TRERF1: variants seen among roughly 807,000 people sequenced by gnomAD.
TRERF1 encodes the protein transcriptional-regulating factor 1.
TRERF1 carries 27 observed loss-of-function variants against 122.9 expected under a neutral mutation model. The observed-to-expected ratio is 0.22, with a 90% CI of 0.16 to 0.30. The LOEUF (loss-of-function observed/expected upper bound fraction) is 0.30, where lower values mean the gene tolerates loss of function less well. Among genes scored for constraint, TRERF1 ranks in the 10% least tolerant of loss-of-function variants. TRERF1 has a pLI of 1.00. For missense variants in TRERF1, 1,248 were observed against 1,560.3 expected (o/e 0.80, Z 3.37); for synonymous variants, 636 against 641.7 (o/e 0.99, Z 0.13).
At chr6:42,330,485 T>C (rs953346463) in intron 3 of TRERF1, among the ~76,000 whole-genome samples, 6 of 152,190 alleles carry the variant, frequency 3.9e-5, no homozygotes, top group Non-Finnish European at 8.8e-5. Context: ...TGTAAAGAAG[T>C]GGACACATTT....
chr6:42,450,277 A>C (rs1167459848), intron 2 of TRERF1, among the ~76,000 whole-genome samples: 1 of 152,212 alleles, frequency 6.6e-6, no homozygotes, highest in Non-Finnish European at 1.5e-5. Context: ...TCCCCTTCTT[A>C]AAACTCTCCT....
intron 2 of TRERF1, among the ~76,000 whole-genome samples, chr6:42,369,148 G>A (rs911356897): frequency 6.6e-6 from 1 of 152,042 alleles, no homozygotes; most frequent in Non-Finnish European, 1.5e-5. Flanking sequence ...AGAAGGCTGG[G>A]ATCTAAAAAA....
chr6:42,304,896 A>C (rs1353347249), intron 3 of TRERF1, among the ~76,000 whole-genome samples: 1 of 152,260 alleles, frequency 6.6e-6, no homozygotes, highest in African/African-American at 2.4e-5. Flanking sequence ...TGAAGCCAGT[A>C]GACCTGGATT....
intron 15 of TRERF1, among the ~76,000 whole-genome samples, chr6:42,236,643 G>A (rs1772294302): frequency 6.6e-6 from 1 of 152,154 alleles, no homozygotes; most frequent in Non-Finnish European, 1.5e-5. Flanking sequence ...CCCACTTCGG[G>A]ACCCCTCATC....
intron 3 of TRERF1, among the ~76,000 whole-genome samples, chr6:42,349,029 G>A (rs424047): frequency 0.041 from 6,260 of 152,236 alleles, 288 homozygotes; most frequent in African/African-American, 0.12. Context: ...TTGAAATGAG[G>A]TAGTGTAAGC....
chr6:42,272,059 A>C (rs1400189328), intron 4 of TRERF1, among the ~76,000 whole-genome samples: 1 of 152,236 alleles, frequency 6.6e-6, no homozygotes, highest in Non-Finnish European at 1.5e-5. Flanking sequence ...GTGATGTAAT[A>C]GTTTTGCTTA....
At chr6:42,274,910 G>T (rs58974274) in intron 4 of TRERF1, among the ~76,000 whole-genome samples, 10,305 of 152,190 alleles carry the variant, frequency 0.068, 507 homozygotes, top group African/African-American at 0.14. Context: ...AAAGTGAAAA[G>T]CATGCAAATT....
intron 15 of TRERF1, 147 bp from the exon 16 acceptor site, chr6:42,236,558 C>T: frequency 7.6e-7 from 1 of 1,313,036 alleles, no homozygotes; most frequent in Non-Finnish European, 1.0e-6. Context: ...GTGGACAGAG[C>T]CTGTTAGGCG....
In TRERF1 at chr6:42,331,949, T is replaced by C. The variant is rs990389854; in HGVS notation, c.-371+31048A>G. Among the ~76,000 whole-genome samples, 6 of 152,178 alleles carry C rather than the reference T, an allele frequency of 3.9e-5. 1 individual carries two copies. Among genetic ancestry groups the C allele is most frequent in the Admixed American group, 6.5e-5 (1 of 15,284 alleles). On this transcript the variant is annotated intron_variant, in intron 3 of 17. Coordinates refer to ENST00000372922, the Ensembl canonical transcript of TRERF1. The stretch of plus-strand genomic sequence containing the variant: ...GCCCTGAAAAATCAGGAAATATTCT[T>C]TTTTTCTTTTTGAGATGGAGTCTTA...
At position 42,302,126 on chromosome 6, in the gene TRERF1, A is replaced by G. The variant is rs558700913; in HGVS notation, c.-370-1377T>C. On this transcript the variant is annotated intron_variant, in intron 3 of 17. Coordinates refer to ENST00000372922, the Ensembl canonical transcript of TRERF1. ...ACCCCGCCTGAAGCTCCCTCCCTGAATGAGAAGAACAAAGAGTCATCTATT... is the reference window on the plus strand; with the variant it reads ...ACCCCGCCTGAAGCTCCCTCCCTGAGTGAGAAGAACAAAGAGTCATCTATT... 1.7e-4 allele frequency among the ~76,000 whole-genome samples: 26 copies of G among 152,314 alleles called. 1 individual carries two copies. The East Asian group carries it at 4.2e-3, about 25-fold the overall frequency.
chr6:42,243,339 T>G, exon 15 of TRERF1: 1 of 1,613,916 alleles, frequency 6.2e-7, no homozygotes. Context: ...CTCCACGCAC[T>G]GAGCCACCGT....
chr6:42,262,290 C>G (rs956912783), intron 8 of TRERF1, among the ~76,000 whole-genome samples: 3 of 152,046 alleles, frequency 2.0e-5, no homozygotes, highest in Non-Finnish European at 4.4e-5. Context: ...TTCTCTCCCT[C>G]TACCCTGGCC....
chr6:42,438,609 C>CA (rs199739271), intron 2 of TRERF1, among the ~76,000 whole-genome samples: 2,626 of 106,086 alleles, frequency 0.025, 95 homozygotes, highest in East Asian at 0.19. Context: ...GACTCTGTCT[C>CA]AAAAAAAAAA....
intron 2 of TRERF1, among the ~76,000 whole-genome samples, chr6:42,370,499 A>C (rs945329899): frequency 1.5e-4 from 23 of 152,354 alleles, no homozygotes; most frequent in African/African-American, 5.3e-4. Flanking sequence ...CAAGGGAATC[A>C]CTTGAGTGCC....
intron 3 of TRERF1, among the ~76,000 whole-genome samples, chr6:42,312,397 T>G (rs768971731): frequency 2.0e-5 from 3 of 152,130 alleles, no homozygotes; most frequent in Non-Finnish European, 4.4e-5. Flanking sequence ...GCCCCTACTT[T>G]AGAGTTTCCG....
intron 3 of TRERF1, among the ~76,000 whole-genome samples, chr6:42,340,912 G>T (rs916883477): frequency 6.6e-6 from 1 of 152,172 alleles, no homozygotes; most frequent in African/African-American, 2.4e-5. Context: ...ATTTTAAGGG[G>T]TGATCTTCAT....
intron 3 of TRERF1, among the ~76,000 whole-genome samples, chr6:42,332,225 G>A (rs1031369107): frequency 1.3e-5 from 2 of 152,252 alleles, no homozygotes; most frequent in Non-Finnish European, 2.9e-5. Flanking sequence ...TTACAGGCGT[G>A]TGCCACCGCG....
intron 2 of TRERF1, among the ~76,000 whole-genome samples, chr6:42,408,994 A>G (rs1183117275): frequency 6.6e-6 from 1 of 152,164 alleles, no homozygotes; most frequent in Non-Finnish European, 1.5e-5. Flanking sequence ...TGTCATATAT[A>G]AATGTCTTCC....
chr6:42,321,354 G>A (rs1354167355), intron 3 of TRERF1, among the ~76,000 whole-genome samples: 1 of 151,696 alleles, frequency 6.6e-6, no homozygotes, highest in African/African-American at 2.4e-5. Context: ...AAGAATAGAG[G>A]ACCCTGGGAG....
Sources: allele counts gnomAD v4.1 joint callset (sites outside exome capture counted in the v4.1 genomes callset), GRCh38; gene constraint gnomAD v4.1.1; transcripts MANE v1.5; gene names NCBI Gene and HGNC (gene_info 2026-07-23, HGNC 2026-07-21).